The following RYR2 variants were observed in gnomAD, a reference collection of about 807,000 sequenced individuals.
RYR2 encodes cardiac muscle ryanodine receptor-calcium release channel.
Under a neutral mutation model 601.1 loss-of-function variants are expected in RYR2, and 227 were observed. The observed-to-expected ratio is 0.38, with a 90% CI of 0.34 to 0.42. RYR2 has a LOEUF of 0.42. Ranked by LOEUF, RYR2 falls within the 10% of genes least tolerant of loss-of-function variation. RYR2 has a pLI of 1.00. For missense variants in RYR2, 4,646 were observed against 6,156.5 expected, an observed-to-expected ratio of 0.75 and a Z score of 8.21; for synonymous variants, 2,223 against 2,175.1, an observed-to-expected ratio of 1.02 and a Z score of -0.61.
At chr1:237,502,111 C>T (rs745490678) in intron 21 of RYR2, among the ~76,000 whole-genome samples, 13 of 152,146 alleles carry the variant, frequency 8.5e-5, no homozygotes, top group African/African-American at 2.4e-4. Flanking sequence ...TAACCTGTGA[C>T]TGTGTCACTG....
rs1268270346 is a variant in RYR2, at chr1:237,806,274, T to C, written c.14289T>C (p.Asn4763=). ...LRTILSSVTH[N]GKQLVLTVGL... Reference sequence around the variant, plus strand: ...CCATCTTGTCCTCAGTAACTCACAATGGCAAACAGGTAAACAGTTTATCTT... The same window carrying C: ...CCATCTTGTCCTCAGTAACTCACAACGGCAAACAGGTAAACAGTTTATCTT... The change falls in exon 99 of 105, where the codon AAT becomes AAC. Residue 4763 remains asparagine, a synonymous_variant. Transcript: ENST00000366574. 2 of 1,613,088 alleles carry C rather than the reference T, an allele frequency of 1.2e-6. No homozygotes were observed. Among genetic ancestry groups the C allele is most frequent in the Non-Finnish European group, 1.7e-6 (2 of 1,179,442 alleles).
intron 3 of RYR2, among the ~76,000 whole-genome samples, chr1:237,335,113 G>C (rs187598133): frequency 4.0e-4 from 61 of 151,838 alleles, no homozygotes; most frequent in Middle Eastern, 3.4e-3. Context: ...TCCTCCCCTC[G>C]ACCCCAGTAT....
rs367829652 is a variant in RYR2, at chr1:237,816,079, G to A, written c.14434-2957G>A. On this transcript the variant is annotated intron_variant, in intron 100 of 104. Transcript: ENST00000366574. ...TTCCTCAAAGAAGCAGGGATGGAGA[G>A]CTAGGACATTCCAAGACCTGGACTG... 5.1e-4 allele frequency among the ~76,000 whole-genome samples: 77 copies of A among 152,262 alleles called. 1 individual carries two copies. The South Asian group carries it at 0.015, about 30-fold the overall frequency.
At chr1:237,377,176 C>A in intron 7 of RYR2, 147 bp from the exon 8 acceptor site, 1 of 554,954 alleles carries the variant, frequency 1.8e-6, no homozygotes, top group Non-Finnish European at 3.1e-6. Flanking sequence ...TAAGCTAAGG[C>A]TTAATTCTTT....
chr1:237,702,123 C>T lies in RYR2; in HGVS notation c.9449+64C>T, dbSNP rs980872314. On this transcript the variant is annotated intron_variant, in intron 66 of 104. Transcript: ENST00000366574. The stretch of plus-strand genomic sequence containing the variant: ...CTTCAAGTTTTATAACTATTTATTT[C>T]AAGAATCTTCATTTCATAACCTGTT... 9 of 896,168 alleles carry T rather than the reference C, an allele frequency of 1.0e-5. No individual in the cohort carries two copies. In the African/African-American group the frequency reaches 1.5e-4, roughly 15 times the overall value. 55.5% of individuals were successfully genotyped at this position (896,168 alleles called of 1,614,324 possible).
chr1:237,815,895 A>T (rs1308119301), intron 100 of RYR2, among the ~76,000 whole-genome samples: 1 of 152,156 alleles, frequency 6.6e-6, no homozygotes, highest in Non-Finnish European at 1.5e-5. Flanking sequence ...CCCTAGACAA[A>T]CACCTCTATG....
intron 1 of RYR2, among the ~76,000 whole-genome samples, chr1:237,127,215 T>G (rs973697459): frequency 6.6e-6 from 1 of 152,166 alleles, no homozygotes; most frequent in Non-Finnish European, 1.5e-5. Context: ...CCATCCGATT[T>G]CTCAATCTTT....
intron 1 of RYR2, among the ~76,000 whole-genome samples, chr1:237,118,173 A>C (rs1431234974): frequency 6.6e-6 from 1 of 152,232 alleles, no homozygotes; most frequent in African/African-American, 2.4e-5. Context: ...GGTACATTTT[A>C]AATTGAAATT....
intron 24 of RYR2, among the ~76,000 whole-genome samples, chr1:237,519,345 T>C (rs1225595251): frequency 2.6e-5 from 4 of 152,202 alleles, no homozygotes; most frequent in Admixed American, 2.0e-4. Context: ...TAGTCATAAA[T>C]TCTTTGCCTA....
intron 32 of RYR2, 77 bp from the exon 33 acceptor site, chr1:237,593,399 C>A: frequency 7.1e-7 from 1 of 1,407,886 alleles, no homozygotes; most frequent in Non-Finnish European, 9.6e-7. Flanking sequence ...CAGACTTAGA[C>A]ACAGTTAGGA....
At chr1:237,132,074 C>T (rs1024026181) in intron 1 of RYR2, among the ~76,000 whole-genome samples, 11 of 152,178 alleles carry the variant, frequency 7.2e-5, no homozygotes, top group Non-Finnish European at 1.6e-4. Flanking sequence ...TAGGGTTGGT[C>T]TGTGTAACCA....
At chr1:237,618,007 G>A (rs752125967) in intron 38 of RYR2, among the ~76,000 whole-genome samples, 5 of 152,112 alleles carry the variant, frequency 3.3e-5, no homozygotes, top group Non-Finnish European at 5.9e-5. Flanking sequence ...GCTAGTTGGG[G>A]GATGTAAATT....
rs1759122 is a variant in RYR2 at position 237,631,549 on chromosome 1, C to T, written c.6555+8C>T. The T allele has an allele frequency of 4.1e-4, 589 of 1,446,994 alleles. 9 individuals are homozygous for T. In the African/African-American group the frequency reaches 7.7e-3, roughly 19 times the overall value. 89.6% of individuals were successfully genotyped at this position (1,446,994 alleles called of 1,614,324 possible). A position where few individuals can be genotyped will look rare whatever the true frequency, so the allele number is the denominator to read the frequency against. On this transcript the variant is annotated splice_region_variant and intron_variant, in intron 42 of 104. Coordinates refer to ENST00000366574, the MANE Select transcript of RYR2 (RefSeq NM_001035.3). Reference sequence around the variant, plus strand: ...GGAGGTGGAGAGTCCAAGGTAACGTCTTTGATTCCTGAGATGCTATTTAGT... The same window carrying T: ...GGAGGTGGAGAGTCCAAGGTAACGTTTTTGATTCCTGAGATGCTATTTAGT...
intron 8 of RYR2, among the ~76,000 whole-genome samples, chr1:237,383,822 G>A (rs1430491870): frequency 6.6e-6 from 1 of 152,100 alleles, no homozygotes; most frequent in Admixed American, 6.5e-5. Flanking sequence ...AGTGAGACCC[G>A]GGTGCCCAGA....
chr1:237,493,116 C>A (rs754400719), intron 19 of RYR2, 29 bp downstream of exon 19: 7 of 1,612,338 alleles, frequency 4.3e-6, no homozygotes, highest in Non-Finnish European at 5.1e-6. Context: ...TGTCACCTGA[C>A]AGGTACCATA....
chr1:237,524,547 T>C (rs955029985), intron 24 of RYR2, among the ~76,000 whole-genome samples: 1 of 152,220 alleles, frequency 6.6e-6, no homozygotes, highest in African/African-American at 2.4e-5. Flanking sequence ...TTCTACCTGA[T>C]GACTTCTAAC....
chr1:237,054,957 TAG>T (rs1388158228), intron 1 of RYR2, among the ~76,000 whole-genome samples: 123 of 152,270 alleles, frequency 8.1e-4, no homozygotes, highest in African/African-American at 2.9e-3. Context: ...CCTCCTACTC[TAG>T]ATGGTGCCGG....
At chr1:237,128,825 G>A (rs1671825750) in intron 1 of RYR2, among the ~76,000 whole-genome samples, 1 of 152,076 alleles carries the variant, frequency 6.6e-6, no homozygotes, top group Non-Finnish European at 1.5e-5. Context: ...TAGCAGGAGA[G>A]GTGGAGAAAA....
intron 8 of RYR2, among the ~76,000 whole-genome samples, chr1:237,381,855 G>A (rs1400402754): frequency 6.6e-6 from 1 of 152,134 alleles, no homozygotes; most frequent in Non-Finnish European, 1.5e-5. Flanking sequence ...GCTGTTTTAT[G>A]TTCTGAGGTA....
Sources: allele counts gnomAD v4.1 joint callset (sites outside exome capture counted in the v4.1 genomes callset), GRCh38; gene constraint gnomAD v4.1.1; transcripts MANE v1.5; gene names NCBI Gene and HGNC (gene_info 2026-07-23, HGNC 2026-07-21).